Variants in LIX1 observed in about 807,000 individuals in gnomAD.
The protein encoded by LIX1 is protein limb expression 1 homolog.
LIX1 carries 24 observed loss-of-function variants against 33.4 expected under a neutral mutation model. That is an observed-to-expected ratio of 0.72 (90% CI 0.52 to 1.01). The LOEUF (loss-of-function observed/expected upper bound fraction) is 1.01. Among genes scored for constraint, LIX1 ranks in the 50% least tolerant of loss-of-function variants. LIX1 has a pLI of 0.00. For synonymous variants in LIX1, 124 were observed against 124.0 expected (o/e 1.00, Z 0.00); for missense variants, 311 against 339.2 (o/e 0.92, Z 0.65).
Position 97,124,639 on chromosome 5 carries a change from A to C in LIX1, c.83-10T>G, listed in dbSNP as rs200381911. On this transcript the variant is annotated splice_polypyrimidine_tract_variant and intron_variant, in intron 1 of 5. Transcript: ENST00000274382. ...ATTGACACAACGTTCACTGAAAAAG[A>C]CAAGAAACACCATCAGTTATTAAGG... 1.3e-4 allele frequency: 209 copies of C among 1,603,094 alleles called. No individual in the cohort carries two copies. Among genetic ancestry groups the C allele is most frequent in the Non-Finnish European group, 7.9e-5 (93 of 1,173,758 alleles).
chr5:97,129,160 G>C (rs1366484471), intron 1 of LIX1, among the ~76,000 whole-genome samples: 1 of 151,986 alleles, frequency 6.6e-6, no homozygotes, highest in Non-Finnish European at 1.5e-5. Flanking sequence ...CATCCTCCTG[G>C]AATGCCCTTC....
At chr5:97,116,480 T>G (rs745839612) in intron 2 of LIX1, among the ~76,000 whole-genome samples, 15 of 152,042 alleles carry the variant, frequency 9.9e-5, no homozygotes, top group Admixed American at 2.6e-4. Flanking sequence ...CAGAGAAAAC[T>G]CACCAGTTCC....
At chr5:97,138,802 T>C (rs758486844) in intron 1 of LIX1, among the ~76,000 whole-genome samples, 4 of 152,066 alleles carry the variant, frequency 2.6e-5, no homozygotes, top group Non-Finnish European at 5.9e-5. Context: ...GCATCCCAAA[T>C]CCAAAAACCT....
chr5:97,125,593 C>T (rs1318713551), intron 1 of LIX1, among the ~76,000 whole-genome samples: 1 of 152,198 alleles, frequency 6.6e-6, no homozygotes. Context: ...AATCTGCTTT[C>T]CTGTAAGGTT....
chr5:97,141,626 TC>T (rs748625959), intron 1 of LIX1, among the ~76,000 whole-genome samples: 21 of 152,286 alleles, frequency 1.4e-4, no homozygotes, highest in Middle Eastern at 3.4e-3. Context: ...ACAACTAGAT[TC>T]ACAAAGAGGA....
In LIX1 at chr5:97,105,364, C is replaced by T. The variant is rs1746960013; in HGVS notation, c.388-79G>A. 3 of 1,206,266 alleles carry T rather than the reference C, an allele frequency of 2.5e-6. No homozygotes were observed. The Admixed American group carries it at 5.5e-5, about 22-fold the overall frequency. 74.7% of individuals were successfully genotyped at this position (1,206,266 alleles called of 1,614,324 possible). On this transcript the variant is annotated intron_variant, in intron 3 of 5. Coordinates refer to ENST00000274382, the MANE Select transcript of LIX1 (RefSeq NM_153234.5). ...GAATGGTCACAAATTAATTCTGTGACCACACAGTAAGCCTATTTTTGGTCT... is the reference window on the plus strand; with the variant it reads ...GAATGGTCACAAATTAATTCTGTGATCACACAGTAAGCCTATTTTTGGTCT...
rs866075625 is a variant in LIX1, at chr5:97,134,400, G to A, written c.82+8095C>T. Among the ~76,000 whole-genome samples, 5 of 152,350 alleles carry A rather than the reference G, an allele frequency of 3.3e-5. 1 individual carries two copies. The highest frequency in any genetic ancestry group is 3.4e-3 in the Middle Eastern group (1 of 294). On this transcript the variant is annotated intron_variant, in intron 1 of 5. Transcript: ENST00000274382. The stretch of plus-strand genomic sequence containing the variant: ...CTCCCAAAGGGCTGGGATTATAGGC[G>A]TGAGCCACCGTGCCCGGCAGCCATA...
At chr5:97,100,059 A>G (rs1746611452) in intron 4 of LIX1, among the ~76,000 whole-genome samples, 1 of 152,192 alleles carries the variant, frequency 6.6e-6, no homozygotes, top group Admixed American at 6.5e-5. Flanking sequence ...ACTTAGAAAC[A>G]TACTATTCTT....
intron 4 of LIX1, among the ~76,000 whole-genome samples, chr5:97,102,355 G>C (rs994244087): frequency 1.3e-5 from 2 of 152,054 alleles, no homozygotes; most frequent in Non-Finnish European, 2.9e-5. Flanking sequence ...ATTATGTGTA[G>C]ACACAAGCAG....
intron 2 of LIX1, among the ~76,000 whole-genome samples, chr5:97,122,104 C>A (rs921803013): frequency 1.4e-4 from 22 of 152,176 alleles, no homozygotes; most frequent in Non-Finnish European, 7.3e-5. Context: ...TCAAATCATC[C>A]TCCTCAGTCA....
chr5:97,134,944 G>C (rs1285686658), intron 1 of LIX1, among the ~76,000 whole-genome samples: 1 of 152,140 alleles, frequency 6.6e-6, no homozygotes, highest in Non-Finnish European at 1.5e-5. Flanking sequence ...TCCCAGCAGA[G>C]GGACTTTCCT....
At chr5:97,106,067 T>C (rs1747003262) in intron 3 of LIX1, among the ~76,000 whole-genome samples, 1 of 152,188 alleles carries the variant, frequency 6.6e-6, no homozygotes, top group South Asian at 2.1e-4. Flanking sequence ...ATATTTATGT[T>C]GGCTTTTTAA....
chr5:97,110,371 G>C (rs61077558), intron 2 of LIX1, among the ~76,000 whole-genome samples: 5,262 of 152,232 alleles, frequency 0.035, 143 homozygotes, highest in South Asian at 0.092. Flanking sequence ...TAACAAAGCA[G>C]AACAATTAAG....
At chr5:97,106,247 C>T (rs764258603) in intron 3 of LIX1, among the ~76,000 whole-genome samples, 2 of 152,220 alleles carry the variant, frequency 1.3e-5, no homozygotes, top group African/African-American at 2.4e-5. Context: ...CTCTCTTCCT[C>T]AAAAGCACTT....
Position 97,142,416 on chromosome 5 carries a change from C to G in LIX1, c.82+79G>C. ...ACGACTGCAGAGATTTAGGAGAAAT[C>G]TTACTTAAATAGGATGTGACTTGAC... On this transcript the variant is annotated intron_variant, in intron 1 of 5. Transcript: ENST00000274382. 5.1e-6 allele frequency: 5 copies of G among 976,888 alleles called. No homozygotes were observed. The South Asian group carries it at 6.9e-5, about 13-fold the overall frequency. The allele number at this position is 976,888 out of a possible 1,614,324, so 60.5% of individuals were successfully genotyped here.
rs1423243687 is a variant in LIX1 at position 97,096,905 on chromosome 5, C to T, written c.484-18G>A. On this transcript the variant is annotated intron_variant, in intron 4 of 5. Coordinates refer to ENST00000274382, the MANE Select transcript of LIX1 (RefSeq NM_153234.5). ...ATCAGCTCCTACAAAACCCAAACACCTATCATTGGTCCCAAAGCAGAAATG... is the reference window on the plus strand; with the variant it reads ...ATCAGCTCCTACAAAACCCAAACACTTATCATTGGTCCCAAAGCAGAAATG... The T allele has an allele frequency of 6.3e-6, 10 of 1,599,668 alleles. No individual in the cohort carries two copies. Among genetic ancestry groups the T allele is most frequent in the East Asian group, 2.2e-5 (1 of 44,814 alleles).
intron 2 of LIX1, among the ~76,000 whole-genome samples, chr5:97,110,174 T>C (rs1437687380): frequency 6.6e-6 from 1 of 152,218 alleles, no homozygotes; most frequent in African/African-American, 2.4e-5. Flanking sequence ...TTTTTGTATA[T>C]TACTTGAGCA....
At position 97,099,098 on chromosome 5, in the gene LIX1, G is replaced by A. The variant is rs141442445; in HGVS notation, c.484-2211C>T. ...CCCGCCCCCAGATGGAGACCTCCCT[G>A]TCTGCACAGGGTCCTCGGTCCAGTG... On this transcript the variant is annotated intron_variant, in intron 4 of 5. Transcript: ENST00000274382. 6.2e-3 allele frequency among the ~76,000 whole-genome samples: 939 copies of A among 150,912 alleles called. 11 individuals carry two copies. Among genetic ancestry groups the A allele is most frequent in the African/African-American group, 0.022 (895 of 40,614 alleles).
rs115454614 is a variant in LIX1, at chr5:97,095,089, C to T, written c.562-54G>A. On this transcript the variant is annotated intron_variant, in intron 5 of 5. Coordinates refer to ENST00000274382, the MANE Select transcript of LIX1 (RefSeq NM_153234.5). Reference sequence around the variant, plus strand: ...GTCAATAAAAAGCAACAAAGGCACCCGTCCACATGCCTCCCCCTGCTTCCC... The same window carrying T: ...GTCAATAAAAAGCAACAAAGGCACCTGTCCACATGCCTCCCCCTGCTTCCC... The T allele has an allele frequency of 6.2e-4, 929 of 1,503,510 alleles. 9 individuals are homozygous for T. The African/African-American group carries it at 0.011, about 17-fold the overall frequency. The allele number at this position is 1,503,510 out of a possible 1,614,324, so 93.1% of individuals were successfully genotyped here.
Sources: allele counts gnomAD v4.1 joint callset (sites outside exome capture counted in the v4.1 genomes callset), GRCh38; gene constraint gnomAD v4.1.1; transcripts MANE v1.5; gene names NCBI Gene and HGNC (gene_info 2026-07-23, HGNC 2026-07-21).